EVC2: variants seen among roughly 807,000 people sequenced by gnomAD.
The protein encoded by EVC2 is EvC ciliary complex subunit 2.
In EVC2, 148 loss-of-function variants were observed where a neutral mutation model predicts 149.3. The observed-to-expected ratio is 0.99, with a 90% confidence interval of 0.87 to 1.14. EVC2 has a LOEUF of 1.14. Ranked by LOEUF, EVC2 falls within the 50% of genes most tolerant of loss-of-function variation. EVC2 has a pLI of 0.00. For synonymous variants in EVC2, 776 were observed against 649.9 expected, an observed-to-expected ratio of 1.19 and a Z score of -2.95; for missense variants, 1,854 against 1,627.3, an observed-to-expected ratio of 1.14 and a Z score of -2.40.
intron 3 of EVC2, 151 bp from the exon 4 acceptor site, chr4:5,691,484 A>G: frequency 1.5e-6 from 1 of 671,886 alleles, no homozygotes; most frequent in Non-Finnish European, 2.6e-6. Context: ...TTTTTAAAAG[A>G]GCATTAAAGG....
intron 16 of EVC2, among the ~76,000 whole-genome samples, chr4:5,601,554 C>A (rs1054479360): frequency 6.7e-6 from 1 of 149,664 alleles, no homozygotes; most frequent in Non-Finnish European, 1.5e-5. Context: ...GAGGTCAACA[C>A]TGGAATCCCG....
chr4:5,648,108 A>T (rs187106066), intron 9 of EVC2, among the ~76,000 whole-genome samples: 48 of 152,330 alleles, frequency 3.2e-4, no homozygotes, highest in Middle Eastern at 3.4e-3. Flanking sequence ...GCAAAGATCT[A>T]ATCAGGTTAA....
chr4:5,647,526 G>A (rs994311218), intron 9 of EVC2, among the ~76,000 whole-genome samples: 8 of 152,250 alleles, frequency 5.3e-5, no homozygotes, highest in South Asian at 4.1e-4. Context: ...TGCAACGAGC[G>A]CTTTGCAGGT....
At chr4:5,658,304 A>G (rs1056474521) in intron 9 of EVC2, among the ~76,000 whole-genome samples, 1 of 152,236 alleles carries the variant, frequency 6.6e-6, no homozygotes, top group Non-Finnish European at 1.5e-5. Flanking sequence ...ACAAGTGAAC[A>G]AAGAACCTTG....
At chr4:5,674,119 G>T (rs1005359512) in intron 7 of EVC2, among the ~76,000 whole-genome samples, 1 of 152,182 alleles carries the variant, frequency 6.6e-6, no homozygotes, top group African/African-American at 2.4e-5. Context: ...ACAGAGGGGT[G>T]AGTGGCTTGC....
At position 5,618,152 on chromosome 4, in the gene EVC2, G is replaced by A. The variant is rs1393734972; in HGVS notation, c.2706+326C>T. Among the ~76,000 whole-genome samples the A allele has an allele frequency of 6.6e-6, 1 of 152,188 alleles. No homozygotes were observed. Among genetic ancestry groups the A allele is most frequent in the East Asian group, 1.9e-4 (1 of 5,196 alleles). ...TCATTAGCTGTGGCTGGAGGAGGGGGCAGGAGAGACAGAGTAATATCTCAG... is the reference window on the plus strand; with the variant it reads ...TCATTAGCTGTGGCTGGAGGAGGGGACAGGAGAGACAGAGTAATATCTCAG... On this transcript the variant is annotated intron_variant, in intron 15 of 21. Transcript: ENST00000344408. This position sits in a 1 kb window ranked among gnomAD's most constrained non-coding sequence, Gnocchi z 4.4.
intron 16 of EVC2, among the ~76,000 whole-genome samples, chr4:5,594,446 G>A (rs987550441): frequency 1.3e-5 from 2 of 152,184 alleles, no homozygotes; most frequent in Non-Finnish European, 2.9e-5. Context: ...CACCGCTGCT[G>A]GTACCCAGGT....
chr4:5,672,243 G>A (rs773705763), intron 7 of EVC2, among the ~76,000 whole-genome samples: 9 of 152,318 alleles, frequency 5.9e-5, no homozygotes, highest in Admixed American at 2.6e-4. Flanking sequence ...GGGAGGGCGA[G>A]CCTGGAGAAG....
chr4:5,694,815 G>A (rs1021803178), intron 2 of EVC2, among the ~76,000 whole-genome samples: 4 of 152,168 alleles, frequency 2.6e-5, no homozygotes, highest in African/African-American at 9.7e-5. Flanking sequence ...CATGACATTA[G>A]ACAGCCCTGG....
At chr4:5,598,933 A>G (rs1713720435) in intron 16 of EVC2, among the ~76,000 whole-genome samples, 1 of 152,220 alleles carries the variant, frequency 6.6e-6, no homozygotes, top group Non-Finnish European at 1.5e-5. Context: ...CATTTCTCAA[A>G]AGAAGACATT....
rs1288420677 is a variant in EVC2 at position 5,615,558 on chromosome 4, G to A, written c.2707-14C>T. The A allele has an allele frequency of 6.2e-7, 1 of 1,614,148 alleles. No individual in the cohort carries two copies. On this transcript the variant is annotated splice_polypyrimidine_tract_variant and intron_variant, in intron 15 of 21. Coordinates refer to ENST00000344408, the MANE Select transcript of EVC2 (RefSeq NM_147127.5). ...CTTGGACTGTTGCTGGAGAGGGGTT[G>A]GGGAAGACGTGGGTAAGAAGGCAAT...
At chr4:5,691,709 C>A (rs549340111) in intron 3 of EVC2, among the ~76,000 whole-genome samples, 13 of 152,116 alleles carry the variant, frequency 8.5e-5, no homozygotes, top group Admixed American at 2.0e-4. Flanking sequence ...CACCTGTGCA[C>A]CATGGTGCGC....
At chr4:5,687,671 G>A (rs1396416876) in intron 5 of EVC2, among the ~76,000 whole-genome samples, 1 of 152,170 alleles carries the variant, frequency 6.6e-6, no homozygotes. Context: ...TCAGAGTTGG[G>A]GAGAGGTGCT....
chr4:5,535,798 G>A, the EVC2 span, among the ~76,000 whole-genome samples: 1 of 152,008 alleles, frequency 6.6e-6, no homozygotes, highest in Admixed American at 6.6e-5. The surrounding 1 kb of genome is among the most constrained non-coding windows in gnomAD (Gnocchi z 4.7). Context: ...TGGGGGAGAG[G>A]GACACAGTCA....
rs1313193946 is a variant in EVC2 at position 5,696,559 on chromosome 4, A to G, written c.283+1034T>C. On this transcript the variant is annotated intron_variant, in intron 2 of 21. Transcript: ENST00000344408. The surrounding 1 kb of genome is among the most constrained non-coding windows in gnomAD (Gnocchi z 4.1). ...GAAGTCTGCGCTGCAGGTGCCAGCC[A>G]TGAGGCTCAGGAGCCAGGGACTGCC... Among the ~76,000 whole-genome samples the G allele has an allele frequency of 6.6e-6, 1 of 152,218 alleles. No individual in the cohort carries two copies. Among genetic ancestry groups the G allele is most frequent in the African/African-American group, 2.4e-5 (1 of 41,460 alleles).
chr4:5,594,572 T>C (rs1234937115), intron 16 of EVC2, among the ~76,000 whole-genome samples: 1 of 152,038 alleles, frequency 6.6e-6, no homozygotes, highest in Non-Finnish European at 1.5e-5. Flanking sequence ...AACCCATCTG[T>C]ACATCACCAT....
chr4:5,576,257 C>T lies in EVC2; in HGVS notation c.3255G>A (p.Leu1085=), dbSNP rs1184082157. 1 of 1,614,020 alleles carries T rather than the reference C, an allele frequency of 6.2e-7. No homozygotes were observed. The highest frequency in any genetic ancestry group is 2.2e-5 in the East Asian group (1 of 44,882). The change falls in exon 18 of 22, where the codon CTG becomes CTA. Residue 1085 remains leucine, a synonymous_variant. Transcript: ENST00000344408. The surrounding 1 kb of genome is among the most constrained non-coding windows in gnomAD (Gnocchi z 4.5). ...HQALSKSQTL[L]EQHQQCLREE... ...CGGCATACCACTGCTGATGTTGCTC[C>T]AGTAATGTCTGGCTCTTGCTCAGGG...
At chr4:5,549,253 G>C (rs1721687240) in intron 21 of EVC2, among the ~76,000 whole-genome samples, 1 of 152,122 alleles carries the variant, frequency 6.6e-6, no homozygotes, top group African/African-American at 2.4e-5. Flanking sequence ...CCTGTACTGG[G>C]TACCCGGGTA....
intron 9 of EVC2, among the ~76,000 whole-genome samples, chr4:5,662,624 A>G (rs1718971636): frequency 6.9e-6 from 1 of 145,050 alleles, no homozygotes; most frequent in African/African-American, 2.5e-5. Flanking sequence ...ATTTAGATTA[A>G]TTATATTAAA....
Sources: allele counts gnomAD v4.1 joint callset (sites outside exome capture counted in the v4.1 genomes callset), GRCh38; gene constraint gnomAD v4.1.1; non-coding constraint Gnocchi (gnomAD v3.1); transcripts MANE v1.5; gene names NCBI Gene and HGNC (gene_info 2026-07-23, HGNC 2026-07-21).